The following MGAT3 variants were observed in gnomAD, a reference collection of about 807,000 sequenced individuals.
The protein encoded by MGAT3 is beta-1,4-mannosyl-glycoprotein 4-beta-N-acetylglucosaminyltransferase, also known as GlcNAc-T III.
A neutral mutation model predicts 29.8 loss-of-function variants in MGAT3; 9 were observed. The ratio of observed to expected loss-of-function variants is 0.30; its 90% CI spans 0.18 to 0.53. The LOEUF is 0.53. Among genes scored for constraint, MGAT3 ranks in the 20% least tolerant of loss-of-function variants. MGAT3 has a pLI of 0.96. For missense variants in MGAT3, 557 were observed against 769.5 expected, an observed-to-expected ratio of 0.72 and a Z score of 3.27; for synonymous variants, 397 against 348.9, an observed-to-expected ratio of 1.14 and a Z score of -1.54.
intron 1 of MGAT3, among the ~76,000 whole-genome samples, chr22:39,465,229 G>T (rs967154151): frequency 2.0e-5 from 3 of 152,186 alleles, no homozygotes; most frequent in Non-Finnish European, 2.9e-5. Flanking sequence ...CACGGGCCTG[G>T]TGTCTCCTCC....
At chr22:39,474,865 C>T (rs533533287) in intron 1 of MGAT3, among the ~76,000 whole-genome samples, 34 of 152,206 alleles carry the variant, frequency 2.2e-4, no homozygotes, top group Admixed American at 1.0e-3. Context: ...TCAGAGCCCT[C>T]GGGCCCTCCT....
chr22:39,485,044 CAAAAATA>C (rs1182950787), intron 1 of MGAT3, among the ~76,000 whole-genome samples: 2 of 151,932 alleles, frequency 1.3e-5, no homozygotes, highest in East Asian at 3.9e-4. Context: ...GAGAAAGAAT[CAAAAATA>C]AAGAGAAGCC....
rs746716741 is a variant in MGAT3, at chr22:39,488,301, G to T, written c.954G>T (p.Ala318=). 1 of 1,611,856 alleles carries T rather than the reference G, an allele frequency of 6.2e-7. No homozygotes were observed. Among genetic ancestry groups the T allele is most frequent in the African/African-American group, 1.3e-5 (1 of 75,058 alleles). Residue 318 remains alanine, a synonymous_variant, in exon 2 of 2, where the codon GCG becomes GCT. Coordinates refer to ENST00000341184, the MANE Select transcript of MGAT3 (RefSeq NM_002409.5). ...RPDDVFIIDD[A]DEIPARDGVL... ...ACGACGTCTTCATCATTGACGATGC[G>T]GACGAGATCCCGGCCCGTGACGGCG...
At chr22:39,459,083 T>TTC (rs1568997696) in intron 1 of MGAT3, among the ~76,000 whole-genome samples, 1,528 of 147,022 alleles carry the variant, frequency 0.01, 19 homozygotes, top group African/African-American at 0.037. Context: ...TTTTTTTTTT[T>TTC]TTTTTTTTGA....
rs1048510343 is a variant in MGAT3, at chr22:39,491,542, G to T, written c.*2593G>T. On this transcript the variant is annotated 3_prime_UTR_variant, in exon 2 of 2. Transcript: ENST00000341184. This position sits in a 1 kb window ranked among gnomAD's most constrained non-coding sequence, Gnocchi z 5.5. The stretch of plus-strand genomic sequence containing the variant: ...GGCACCAGCTCAGGGCTAAGCGAAG[G>T]AAGATAGGAGCAGCTCAGAGCTGCC... The T allele has an allele frequency of 6.0e-6, 1 of 166,370 alleles. No individual in the cohort carries two copies. Among genetic ancestry groups the T allele is most frequent in the Non-Finnish European group, 1.5e-5 (1 of 68,156 alleles). 10.3% of individuals were successfully genotyped at this position (166,370 alleles called of 1,614,324 possible).
At chr22:39,467,472 C>T (rs891098126) in intron 1 of MGAT3, among the ~76,000 whole-genome samples, 56 of 152,054 alleles carry the variant, frequency 3.7e-4, no homozygotes, top group South Asian at 6.2e-4. Context: ...TCTTTGGTTC[C>T]GCTGCTCTCA....
rs1247361063 is a variant in MGAT3 at position 39,457,148 on chromosome 22, G to GA, written c.-410dup. ...GCGGAGCCCGGCTGGCGGGGGAGGGGAGGGGGTTGCGGAGGGGGCGGGGTG... is the reference window on the plus strand; with the variant it reads ...GCGGAGCCCGGCTGGCGGGGGAGGGGAAGGGGGTTGCGGAGGGGGCGGGGTG... On this transcript the variant is annotated 5_prime_UTR_variant, in exon 1 of 2. Transcript: ENST00000341184. This position sits in a 1 kb window ranked among gnomAD's most constrained non-coding sequence, Gnocchi z 6.8. Among the ~76,000 whole-genome samples, 1 of 145,874 alleles carries GA rather than the reference G, an allele frequency of 6.9e-6. No individual in the cohort carries two copies. The highest frequency in any genetic ancestry group is 2.0e-4 in the East Asian group (1 of 5,036).
chr22:39,469,115 T>G (rs1372194444), intron 1 of MGAT3, among the ~76,000 whole-genome samples: 58 of 66,498 alleles, frequency 8.7e-4, no homozygotes, highest in Admixed American at 2.3e-3. Context: ...GCCTTGGTGG[T>G]GTGGGGAGGG....
chr22:39,458,135 G>T (rs1337344796), intron 1 of MGAT3, among the ~76,000 whole-genome samples: 2 of 152,250 alleles, frequency 1.3e-5, no homozygotes, highest in Admixed American at 6.5e-5. Context: ...GGGGCCCCCG[G>T]CTCCTTGCAT....
At chr22:39,466,800 C>T (rs1423174389) in intron 1 of MGAT3, among the ~76,000 whole-genome samples, 1 of 152,244 alleles carries the variant, frequency 6.6e-6, no homozygotes, top group African/African-American at 2.4e-5. Context: ...TATCCTCCTA[C>T]ACACGGGTCA....
Position 39,491,754 on chromosome 22 carries a change from T to C in MGAT3, c.*2805T>C, listed in dbSNP as rs774775571. The C allele has an allele frequency of 1.2e-5, 2 of 167,086 alleles. No individual in the cohort carries two copies. The highest frequency in any genetic ancestry group is 2.4e-5 in the African/African-American group (1 of 41,390). 10.4% of individuals were successfully genotyped at this position (167,086 alleles called of 1,614,324 possible). A position where few individuals can be genotyped will look rare whatever the true frequency, so the allele number is the denominator to read the frequency against. On this transcript the variant is annotated 3_prime_UTR_variant, in exon 2 of 2. Coordinates refer to ENST00000341184, the MANE Select transcript of MGAT3 (RefSeq NM_002409.5). The surrounding 1 kb of genome is among the most constrained non-coding windows in gnomAD (Gnocchi z 5.5). ...TGGGGGCAGAAGAACCCAGGGCCAC[T>C]CCCTCAATATGAAGGGAAACCAAGC...
At position 39,489,414 on chromosome 22, in the gene MGAT3, T is replaced by G; in HGVS notation, c.*465T>G. 1 of 192,076 alleles carries G rather than the reference T, an allele frequency of 5.2e-6. No individual in the cohort carries two copies. The allele number at this position is 192,076 out of a possible 1,614,324, so 11.9% of individuals were successfully genotyped here. On this transcript the variant is annotated 3_prime_UTR_variant, in exon 2 of 2. Coordinates refer to ENST00000341184, the MANE Select transcript of MGAT3 (RefSeq NM_002409.5). ...GAGGACCCAGGGCTCTGTAAGTAGA[T>G]GCATTTGGGTCCAGGAGGAAGCGTG... is the stretch of plus-strand genomic sequence containing the variant.
intron 1 of MGAT3, among the ~76,000 whole-genome samples, chr22:39,484,643 G>A (rs1929220270): frequency 6.6e-6 from 1 of 152,008 alleles, no homozygotes; most frequent in Admixed American, 6.5e-5. Flanking sequence ...AAAGTGCTGG[G>A]ATTACAGGCG....
At position 39,487,312 on chromosome 22, in the gene MGAT3, C is replaced by A. The variant is rs756433055; in HGVS notation, c.-1-35C>A. On this transcript the variant is annotated intron_variant, in intron 1 of 1. Transcript: ENST00000341184. The surrounding 1 kb of genome is among the most constrained non-coding windows in gnomAD (Gnocchi z 5.7). Reference sequence around the variant, plus strand: ...CTTCCTAGGAAAGGAGCCTGGGCTGCCCTGATGAGTCTCCTGTCTCTCTCT... The same window carrying A: ...CTTCCTAGGAAAGGAGCCTGGGCTGACCTGATGAGTCTCCTGTCTCTCTCT... 1 of 1,589,038 alleles carries A rather than the reference C, an allele frequency of 6.3e-7. No homozygotes were observed. The highest frequency in any genetic ancestry group is 8.6e-7 in the Non-Finnish European group (1 of 1,169,036).
intron 1 of MGAT3, among the ~76,000 whole-genome samples, chr22:39,480,324 G>A (rs1240367354): frequency 6.6e-6 from 1 of 152,192 alleles, no homozygotes; most frequent in Non-Finnish European, 1.5e-5. Flanking sequence ...TGCCTGCCTG[G>A]GTCACAGAGG....
At chr22:39,470,660 G>T (rs1342773509) in intron 1 of MGAT3, among the ~76,000 whole-genome samples, 4 of 152,178 alleles carry the variant, frequency 2.6e-5, no homozygotes, top group Non-Finnish European at 4.4e-5. Flanking sequence ...GGGAGCATTT[G>T]GGGGAACGGG....
chr22:39,470,569 G>A (rs1928779540), intron 1 of MGAT3, among the ~76,000 whole-genome samples: 1 of 152,204 alleles, frequency 6.6e-6, no homozygotes, highest in African/African-American at 2.4e-5. Context: ...GGAATTTGCG[G>A]TGACTCTGGC....
intron 1 of MGAT3, among the ~76,000 whole-genome samples, chr22:39,471,478 T>A (rs909785532): frequency 6.6e-6 from 1 of 152,110 alleles, no homozygotes; most frequent in Non-Finnish European, 1.5e-5. Flanking sequence ...AATTAATAAT[T>A]ACAGGCTTGA....
Position 39,487,631 on chromosome 22 carries a change from G to A in MGAT3, c.284G>A (p.Arg95Gln). ...PPSKAAEELH[R>Q]VDLVLPEDTT... The stretch of plus-strand genomic sequence containing the variant: ...AGCAAGGCGGCCGAGGAGCTCCACC[G>A]GGTGGACTTGGTGCTGCCCGAGGAC... Residue 95 changes from arginine to glutamine, a missense_variant, in exon 2 of 2, where the codon CGG (arginine) becomes CAG (glutamine). Coordinates refer to ENST00000341184, the MANE Select transcript of MGAT3 (RefSeq NM_002409.5). The surrounding 1 kb of genome is among the most constrained non-coding windows in gnomAD (Gnocchi z 5.7). 1 of 1,611,520 alleles carries A rather than the reference G, an allele frequency of 6.2e-7. No homozygotes were observed.
Sources: gnomAD v4.1 joint callset for allele counts (sites outside exome capture counted in the v4.1 genomes callset) on GRCh38, gnomAD v4.1.1 for gene constraint, Gnocchi (gnomAD v3.1) non-coding constraint, MANE v1.5 for transcripts, NCBI Gene and HGNC (gene_info 2026-07-23, HGNC 2026-07-21) for gene names.